Variants in HOMER2 observed in about 807,000 individuals in gnomAD.
HOMER2 encodes the protein homer scaffold protein 2.
In HOMER2, 27 loss-of-function variants were observed where a neutral mutation model predicts 47.0. The observed-to-expected ratio is 0.57, with a 90% CI of 0.42 to 0.79. HOMER2 has a LOEUF of 0.79. Among genes scored for constraint, HOMER2 ranks in the 30% least tolerant of loss-of-function variants. The probability of loss-of-function intolerance (pLI) is 0.00; values close to 1 mark genes in which losing one functional copy is unlikely to be tolerated. For missense variants in HOMER2, 443 were observed against 435.0 expected (o/e 1.02, Z -0.16); for synonymous variants, 161 against 163.8 (o/e 0.98, Z 0.13).
At chr15:82,940,982 C>T (rs1195529295) in intron 1 of HOMER2, among the ~76,000 whole-genome samples, 1 of 152,060 alleles carries the variant, frequency 6.6e-6, no homozygotes, top group Non-Finnish European at 1.5e-5. Context: ...ACATATAACC[C>T]TAGAAGCTGC....
intron 2 of HOMER2, among the ~76,000 whole-genome samples, chr15:82,891,610 C>T (rs2052707909): frequency 6.6e-6 from 1 of 152,056 alleles, no homozygotes; most frequent in African/African-American, 2.4e-5. Flanking sequence ...TATTGCCCAG[C>T]CCCTGACTCC....
chr15:82,892,284 A>G (rs1407208810), intron 2 of HOMER2, among the ~76,000 whole-genome samples: 1 of 152,212 alleles, frequency 6.6e-6, no homozygotes, highest in African/African-American at 2.4e-5. Flanking sequence ...TAAAGTGTTA[A>G]TATCTTGCCC....
upstream of HOMER2, among the ~76,000 whole-genome samples, chr15:82,953,664 G>A (rs960286296): frequency 6.6e-6 from 1 of 152,188 alleles, no homozygotes; most frequent in African/African-American, 2.4e-5. Flanking sequence ...ACGAGGTCTG[G>A]AGATCGAGGC....
At chr15:82,860,894 G>A (rs930687151) in intron 4 of HOMER2, among the ~76,000 whole-genome samples, 1 of 147,268 alleles carries the variant, frequency 6.8e-6, no homozygotes, top group African/African-American at 2.5e-5. Flanking sequence ...CCGAGATCAC[G>A]CCACTGCACT....
intron 3 of HOMER2, among the ~76,000 whole-genome samples, chr15:82,868,683 C>T: frequency 6.7e-6 from 1 of 150,072 alleles, no homozygotes; most frequent in East Asian, 2.0e-4. Flanking sequence ...TACTGAGTAG[C>T]TGGGATTACA....
intron 1 of HOMER2, among the ~76,000 whole-genome samples, chr15:82,909,379 G>GT (rs1447365159): frequency 6.6e-6 from 1 of 152,180 alleles, no homozygotes; most frequent in African/African-American, 2.4e-5. Flanking sequence ...TCTTTCCCCT[G>GT]TTGGCTAGGG....
At chr15:82,935,408 A>G (rs2054119857) in intron 1 of HOMER2, among the ~76,000 whole-genome samples, 2 of 151,902 alleles carry the variant, frequency 1.3e-5, no homozygotes, top group South Asian at 4.2e-4. Context: ...TTCCTCCTCT[A>G]TGGCCACCTA....
intron 3 of HOMER2, among the ~76,000 whole-genome samples, chr15:82,871,673 CCAGAGGCTGAGTGGCTTGG>C (rs1215655831): frequency 1.3e-5 from 2 of 152,156 alleles, no homozygotes; most frequent in Admixed American, 1.3e-4. Flanking sequence ...CAGCACTGCA[CCAGAGGCTGAGTGGCTTGG>C]CAGGACGGTG....
At chr15:82,868,779 G>A (rs947965466) in intron 3 of HOMER2, among the ~76,000 whole-genome samples, 6 of 151,082 alleles carry the variant, frequency 4.0e-5, no homozygotes, top group African/African-American at 1.5e-4. Context: ...TCAAACTCCT[G>A]ACCTCAGGTG....
chr15:82,855,200 C>G (rs2051536193), intron 5 of HOMER2, among the ~76,000 whole-genome samples: 1 of 151,650 alleles, frequency 6.6e-6, no homozygotes, highest in South Asian at 2.1e-4. Flanking sequence ...GTGGCGGGCG[C>G]CTGCAGTCTC....
At chr15:82,847,435 C>T (rs192192986), downstream of HOMER2, among the ~76,000 whole-genome samples, 1 of 152,304 alleles carries the variant, frequency 6.6e-6, no homozygotes, top group East Asian at 1.9e-4. Flanking sequence ...GGACACACAG[C>T]AGGAGGAATC....
intron 1 of HOMER2, chr15:82,898,496 T>C (rs570913509): frequency 6.6e-6 from 1 of 152,332 alleles, no homozygotes; most frequent in East Asian, 1.9e-4. Flanking sequence ...AAGCAGATGT[T>C]TCCGGATGGC....
At chr15:82,950,498 A>G (rs1392774309) in intron 1 of HOMER2, among the ~76,000 whole-genome samples, 1 of 152,132 alleles carries the variant, frequency 6.6e-6, no homozygotes, top group East Asian at 1.9e-4. Context: ...CACAACTCTC[A>G]GAAAGGATGA....
At chr15:82,859,257 C>T (rs1325362576) in intron 4 of HOMER2, 122 bp from the exon 5 acceptor site, 30 of 1,391,728 alleles carry the variant, frequency 2.2e-5, no homozygotes, top group Middle Eastern at 1.9e-4. Context: ...CGAGTGTGGA[C>T]GAACCAACTC....
chr15:82,871,532 C>T (rs928489833), intron 3 of HOMER2, among the ~76,000 whole-genome samples: 8 of 152,156 alleles, frequency 5.3e-5, no homozygotes, highest in Non-Finnish European at 1.5e-5. Flanking sequence ...AATTTATCAG[C>T]GTGTGGTTAA....
intron 1 of HOMER2, among the ~76,000 whole-genome samples, chr15:82,964,032 T>G (rs773300154): frequency 6.6e-5 from 10 of 152,224 alleles, no homozygotes; most frequent in Non-Finnish European, 1.5e-4. Flanking sequence ...AGATATTAAT[T>G]AGGAAATGAC....
chr15:82,861,027 A>C (rs559152120), intron 4 of HOMER2, among the ~76,000 whole-genome samples: 1 of 150,930 alleles, frequency 6.6e-6, no homozygotes, highest in Non-Finnish European at 1.5e-5. Context: ...AAAAGAAAAA[A>C]AGAGAAGAGA....
At position 82,952,563 on chromosome 15, in the gene HOMER2, G is replaced by A; in HGVS notation, c.-28C>T. The A allele has an allele frequency of 8.5e-7, 1 of 1,171,318 alleles. No individual in the cohort carries two copies. Among genetic ancestry groups the A allele is most frequent in the Non-Finnish European group, 1.1e-6 (1 of 949,188 alleles). 72.6% of individuals were successfully genotyped at this position (1,171,318 alleles called of 1,614,324 possible). On this transcript the variant is annotated 5_prime_UTR_variant, in exon 1 of 9. Coordinates refer to ENST00000450735, the MANE Select transcript of HOMER2 (RefSeq NM_004839.4). ...CCGGCGCTGCTCCGGCGGCCGCTCCGACGGGGCCTCTCGCGCTCGCTCTCC... is the reference window on the plus strand; with the variant it reads ...CCGGCGCTGCTCCGGCGGCCGCTCCAACGGGGCCTCTCGCGCTCGCTCTCC...
intron 1 of HOMER2, among the ~76,000 whole-genome samples, chr15:82,923,194 G>A (rs1596357486): frequency 6.6e-6 from 1 of 152,090 alleles, no homozygotes; most frequent in Non-Finnish European, 1.5e-5. Context: ...CTTGATAAAA[G>A]AGGTGCTTGG....
Sources: allele counts gnomAD v4.1 joint callset (sites outside exome capture counted in the v4.1 genomes callset), GRCh38; gene constraint gnomAD v4.1.1; transcripts MANE v1.5; gene names NCBI Gene and HGNC (gene_info 2026-07-23, HGNC 2026-07-21).